DNAH8: variants seen among roughly 807,000 people sequenced by gnomAD.
The protein encoded by DNAH8 is dynein axonemal heavy chain 8, also known as axonemal beta dynein heavy chain 8.
Under a neutral mutation model 562.1 loss-of-function variants are expected in DNAH8, and 382 were observed. The ratio of observed to expected loss-of-function variants is 0.68; its 90% CI spans 0.63 to 0.74. The LOEUF (loss-of-function observed/expected upper bound fraction) is 0.74. Ranked by LOEUF, DNAH8 falls within the 30% of genes least tolerant of loss-of-function variation. The pLI is 0.00. For synonymous variants in DNAH8, 1,881 were observed against 1,919.4 expected (o/e 0.98, Z 0.52); for missense variants, 5,203 against 5,620.4 (o/e 0.93, Z 2.37).
intron 13 of DNAH8, among the ~76,000 whole-genome samples, chr6:38,777,225 A>G (rs1440303584): frequency 6.6e-6 from 1 of 152,152 alleles, no homozygotes; most frequent in African/African-American, 2.4e-5. Context: ...GTTTACTTCC[A>G]AAATGCTTCG....
chr6:39,000,690 G>A (rs138107095), intron 88 of DNAH8, among the ~76,000 whole-genome samples: 50 of 152,314 alleles, frequency 3.3e-4, no homozygotes, highest in African/African-American at 1.2e-3. Context: ...ATGATGGTGA[G>A]TTGTATAATT....
Position 39,001,094 on chromosome 6 carries a change from G to C in DNAH8, c.13215-7720G>C, listed in dbSNP as rs551516607. On this transcript the variant is annotated intron_variant, in intron 88 of 92. Coordinates refer to ENST00000327475, the MANE Select transcript of DNAH8 (RefSeq NM_001206927.2). ...CCAGTATGCCTAAAGCATGAGGGAG[G>C]GGGGTGCTTAAAGAGCGGAGTGGCC... 3.9e-5 allele frequency among the ~76,000 whole-genome samples: 6 copies of C among 152,312 alleles called. No individual in the cohort carries two copies. The South Asian group carries it at 1.2e-3, about 32-fold the overall frequency.
intron 42 of DNAH8, among the ~76,000 whole-genome samples, chr6:38,859,624 C>T (rs762522352): frequency 6.6e-6 from 1 of 152,160 alleles, no homozygotes; most frequent in Non-Finnish European, 1.5e-5. Flanking sequence ...TGGAAAGTCA[C>T]GAAGCTCCTC....
intron 24 of DNAH8, among the ~76,000 whole-genome samples, chr6:38,811,907 T>C (rs1482468063): frequency 6.6e-6 from 1 of 152,140 alleles, no homozygotes; most frequent in African/African-American, 2.4e-5. Flanking sequence ...CCTGGAGAGA[T>C]ACTGGGGGTA....
chr6:38,774,512 G>A (rs907983021), intron 12 of DNAH8, among the ~76,000 whole-genome samples: 1 of 152,160 alleles, frequency 6.6e-6, no homozygotes, highest in Non-Finnish European at 1.5e-5. Flanking sequence ...GCTCTGTGTG[G>A]TATGGGGACA....
At chr6:38,950,269 A>AC (rs1444790717) in intron 81 of DNAH8, among the ~76,000 whole-genome samples, 1 of 150,854 alleles carries the variant, frequency 6.6e-6, no homozygotes, top group African/African-American at 2.4e-5. Flanking sequence ...GGGAGATGAG[A>AC]CCCCCACATG....
chr6:39,006,142 A>T (rs917973926), intron 88 of DNAH8, among the ~76,000 whole-genome samples: 1 of 152,258 alleles, frequency 6.6e-6, no homozygotes, highest in Non-Finnish European at 1.5e-5. Flanking sequence ...ATGGAAAGGA[A>T]CCCAGCCTTG....
intron 32 of DNAH8, 102 bp downstream of exon 32, chr6:38,834,743 A>G (rs1461582361): frequency 1.2e-6 from 1 of 866,728 alleles, no homozygotes; most frequent in Non-Finnish European, 1.9e-6. Flanking sequence ...TTTGTATTTC[A>G]AGTACATCAG....
chr6:38,929,722 AAG>A (rs1782408024), intron 75 of DNAH8, 56 bp downstream of exon 75: 9 of 1,428,720 alleles, frequency 6.3e-6, no homozygotes, highest in Admixed American at 5.0e-5. Context: ...AAAAGAAAAA[AAG>A]AAAAAAATTA....
At position 38,786,967 on chromosome 6, in the gene DNAH8, G is replaced by T; in HGVS notation, c.2583+15G>T. On this transcript the variant is annotated intron_variant, in intron 18 of 92. Coordinates refer to ENST00000327475, the MANE Select transcript of DNAH8 (RefSeq NM_001206927.2). ...TGTATTTGCAGGTAAGATAGATTAT[G>T]TTTTCTAATTATTTTTGAAGGAGTT... The T allele has an allele frequency of 6.5e-7, 1 of 1,542,788 alleles. No individual in the cohort carries two copies. Among genetic ancestry groups the T allele is most frequent in the Non-Finnish European group, 8.7e-7 (1 of 1,145,266 alleles).
At chr6:38,858,693 T>C (rs946642657) in intron 42 of DNAH8, among the ~76,000 whole-genome samples, 5 of 152,220 alleles carry the variant, frequency 3.3e-5, no homozygotes, top group Non-Finnish European at 5.9e-5. Context: ...GAGGAAAAAC[T>C]GCTCTAGGAT....
At chr6:38,728,210 T>C (rs1763380952) in intron 3 of DNAH8, among the ~76,000 whole-genome samples, 2 of 152,178 alleles carry the variant, frequency 1.3e-5, no homozygotes, top group Non-Finnish European at 2.9e-5. Flanking sequence ...TCAAGCAGTC[T>C]GCCCACCTGG....
intron 9 of DNAH8, among the ~76,000 whole-genome samples, chr6:38,753,859 C>CA (rs1162249065): frequency 8.5e-5 from 13 of 152,094 alleles, no homozygotes; most frequent in Admixed American, 7.9e-4. Flanking sequence ...AGGAAGGTTT[C>CA]AAGCATCACC....
At chr6:38,947,971 C>A (rs533109993) in intron 80 of DNAH8, among the ~76,000 whole-genome samples, 1 of 152,136 alleles carries the variant, frequency 6.6e-6, no homozygotes, top group Non-Finnish European at 1.5e-5. Context: ...TGGTCGCGAA[C>A]TCCTGAGCTC....
At chr6:38,877,193 T>A (rs1017957038) in intron 53 of DNAH8, among the ~76,000 whole-genome samples, 1 of 152,082 alleles carries the variant, frequency 6.6e-6, no homozygotes, top group Non-Finnish European at 1.5e-5. Flanking sequence ...ACTCAGAGAG[T>A]GAAATTCATC....
intron 57 of DNAH8, among the ~76,000 whole-genome samples, chr6:38,887,637 G>T (rs966475857): frequency 6.6e-6 from 1 of 152,034 alleles, no homozygotes; most frequent in Non-Finnish European, 1.5e-5. Context: ...AGCCTAGGAG[G>T]TCAAGGCTGC....
chr6:38,873,162 T>A lies in DNAH8; in HGVS notation c.7479+15T>A. ...CAATCTTACAGGTGGGGCAGAGAGA[T>A]GGGAAGAAGAACCCTCAGAGTCTCT... On this transcript the variant is annotated intron_variant, in intron 51 of 92. Coordinates refer to ENST00000327475, the MANE Select transcript of DNAH8 (RefSeq NM_001206927.2). 1 of 1,613,296 alleles carries A rather than the reference T, an allele frequency of 6.2e-7. No homozygotes were observed. The highest frequency in any genetic ancestry group is 1.7e-5 in the Admixed American group (1 of 59,998).
chr6:39,011,539 T>C (rs1003994459), intron 89 of DNAH8, among the ~76,000 whole-genome samples: 1 of 152,246 alleles, frequency 6.6e-6, no homozygotes, highest in Non-Finnish European at 1.5e-5. Context: ...GTATATTGCA[T>C]TGGCTTGTTT....
At chr6:39,012,664 G>T in intron 91 of DNAH8, 27 bp downstream of exon 91, 1 of 1,578,834 alleles carries the variant, frequency 6.3e-7, no homozygotes, top group Non-Finnish European at 8.7e-7. Context: ...GATTTGGCAA[G>T]CTTGGAATTT....
Sources: gnomAD v4.1 joint callset for allele counts (sites outside exome capture counted in the v4.1 genomes callset) on GRCh38, gnomAD v4.1.1 for gene constraint, MANE v1.5 for transcripts, NCBI Gene and HGNC (gene_info 2026-07-23, HGNC 2026-07-21) for gene names.